Variants in ITIH4 observed in about 807,000 individuals in gnomAD.
ITIH4 encodes inter-alpha-trypsin inhibitor heavy chain 4.
In ITIH4, 79 loss-of-function variants were observed where a neutral mutation model predicts 111.8. The observed-to-expected ratio is 0.71, with a 90% CI of 0.59 to 0.85. The LOEUF (loss-of-function observed/expected upper bound fraction) is 0.85, where lower values mean the gene tolerates loss of function less well. Among genes scored for constraint, ITIH4 ranks in the 40% least tolerant of loss-of-function variants. ITIH4 has a pLI of 0.00. For synonymous variants in ITIH4, 472 were observed against 468.3 expected, an observed-to-expected ratio of 1.01 and a Z score of -0.10; for missense variants, 1,065 against 1,195.8, an observed-to-expected ratio of 0.89 and a Z score of 1.61.
Position 52,830,666 on chromosome 3 carries a change from G to A in ITIH4, c.-24C>T. The A allele has an allele frequency of 2.5e-6, 4 of 1,583,428 alleles. 1 individual carries two copies. The East Asian group carries it at 9.0e-5, about 36-fold the overall frequency. Reference sequence around the variant, plus strand: ...ATCGTGGCTCCAGTGTCTGCCAGGAGGCTTCTGAACTCGACAGCAAGTGGG... The same window carrying A: ...ATCGTGGCTCCAGTGTCTGCCAGGAAGCTTCTGAACTCGACAGCAAGTGGG... On this transcript the variant is annotated 5_prime_UTR_variant, in exon 1 of 24. Coordinates refer to ENST00000266041, the MANE Select transcript of ITIH4 (RefSeq NM_002218.5).
In ITIH4 at chr3:52,824,202, C is replaced by G. The variant is rs572405190; in HGVS notation, c.1159G>C (p.Asp387His). ...GCAGGGCCCTCACCCACAGTGGGGT[C>G]GCCATCGGTGAGCAGGATGATGAGT... ...VSLIILLTDG[D>H]PTVGETNPRS... The change falls in exon 9 of 24, where the codon GAC (aspartate) becomes CAC (histidine). Residue 387 changes from aspartate (D) to histidine (H), a missense_variant. By Grantham distance (81) the Asp-to-His change is moderately conservative. Coordinates refer to ENST00000266041, the MANE Select transcript of ITIH4 (RefSeq NM_002218.5). The surrounding 1 kb of genome is among the most constrained non-coding windows in gnomAD (Gnocchi z 4.3). 2 of 1,613,130 alleles carry G rather than the reference C, an allele frequency of 1.2e-6. No homozygotes were observed. Among genetic ancestry groups the G allele is most frequent in the Non-Finnish European group, 1.7e-6 (2 of 1,179,986 alleles).
At chr3:52,817,111 C>A in intron 20 of ITIH4, 53 bp from the exon 21 acceptor site, 8 of 1,524,838 alleles carry the variant, frequency 5.2e-6, no homozygotes, top group African/African-American at 1.4e-5. Flanking sequence ...AGGTCTGACA[C>A]CGACCTGCAT....
Position 52,829,102 on chromosome 3 carries a change from G to A in ITIH4, c.251+17C>T. On this transcript the variant is annotated intron_variant, in intron 2 of 23. Transcript: ENST00000266041. Reference sequence around the variant, plus strand: ...CTGGGGGGTGTGGAGAGGGGAGGAGGGTGGGAAGGCACCTACATGGAGAAG... The same window carrying A: ...CTGGGGGGTGTGGAGAGGGGAGGAGAGTGGGAAGGCACCTACATGGAGAAG... The A allele has an allele frequency of 6.3e-7, 1 of 1,594,416 alleles. No individual in the cohort carries two copies. Among genetic ancestry groups the A allele is most frequent in the Non-Finnish European group, 8.6e-7 (1 of 1,165,924 alleles).
At chr3:52,818,616 C>T (rs1398633620) in intron 17 of ITIH4, 80 bp from the exon 18 acceptor site, 2 of 1,180,908 alleles carry the variant, frequency 1.7e-6, no homozygotes, top group Admixed American at 2.0e-5. Flanking sequence ...TGCCACCAAG[C>T]TCCAGCCCCC....
intron 15 of ITIH4, 37 bp downstream of exon 15, chr3:52,819,903 T>C: frequency 1.2e-6 from 2 of 1,609,960 alleles, no homozygotes; most frequent in Non-Finnish European, 1.7e-6. Context: ...GAGCCCAATC[T>C]GTCAATCTCC....
chr3:52,818,458 G>C lies in ITIH4; in HGVS notation c.2152+4C>G, dbSNP rs760085381. ...TAGGACAGGGCCTCTGGCCTTGGGG[G>C]CACCTTCGATTTTCATATTCATGAC... On this transcript the variant is annotated splice_donor_region_variant and intron_variant, in intron 18 of 23. Transcript: ENST00000266041. The C allele has an allele frequency of 7.5e-6, 12 of 1,598,384 alleles. No individual in the cohort carries two copies. The highest frequency in any genetic ancestry group is 1.0e-5 in the Non-Finnish European group (12 of 1,172,066).
chr3:52,817,849 C>T (rs1440084228), intron 20 of ITIH4, among the ~76,000 whole-genome samples: 5 of 152,270 alleles, frequency 3.3e-5, no homozygotes, highest in Admixed American at 1.3e-4. Flanking sequence ...TGGCCACCCA[C>T]ACCTGCACAC....
chr3:52,818,253 T>G lies in ITIH4; in HGVS notation c.2179+4A>C. On this transcript the variant is annotated splice_donor_region_variant and intron_variant, in intron 19 of 23. Coordinates refer to ENST00000266041, the MANE Select transcript of ITIH4 (RefSeq NM_002218.5). ...GAAAGGGGCCAAGGGGGCTGGGAACTTACCTGGGGTTTGGGTTGTCATGGT... is the reference window on the plus strand; with the variant it reads ...GAAAGGGGCCAAGGGGGCTGGGAACGTACCTGGGGTTTGGGTTGTCATGGT... The G allele has an allele frequency of 6.3e-7, 1 of 1,582,128 alleles. No homozygotes were observed. The highest frequency in any genetic ancestry group is 8.6e-7 in the Non-Finnish European group (1 of 1,164,718).
intron 17 of ITIH4, chr3:52,818,792 C>G (rs767414102): frequency 3.8e-6 from 2 of 521,808 alleles, no homozygotes; most frequent in African/African-American, 1.9e-5. Flanking sequence ...GCTTTCTGAA[C>G]GGAGGAAGCC....
Position 52,812,970 on chromosome 3 carries a change from A to ATTTTTTTTTTTTTTTTTTT in ITIH4, c.*432_*450dup, listed in dbSNP as rs67293153. The ATTTTTTTTTTTTTTTTTTT allele has an allele frequency of 7.5e-6, 1 of 132,842 alleles. No individual in the cohort carries two copies. 8.2% of individuals were successfully genotyped at this position (132,842 alleles called of 1,614,324 possible). On this transcript the variant is annotated 3_prime_UTR_variant, in exon 24 of 24. Transcript: ENST00000266041. ...AAAGAATTCCAACCCAGTTCACTCT[A>ATTTTTTTTTTTTTTTTTTT]TTTTTTTTTTTTTTTTTTTTGTAGT...
Position 52,819,777 on chromosome 3 carries a change from G to A in ITIH4, c.1928C>T (p.Pro643Leu). Residue 643 changes from proline (P) to leucine (L), a missense_variant, in exon 16 of 24, where the codon CCA becomes CTA. Transcript: ENST00000266041. ...KIPKPEASFS[P>L]RRGWNRQAGA... ...ACCTTGTCTATTCCATCCTCTTCTT[G>A]GAGAAAAGGAAGCCTCTGTGTGGTC... The A allele has an allele frequency of 6.2e-7, 1 of 1,614,038 alleles. No individual in the cohort carries two copies. The highest frequency in any genetic ancestry group is 8.5e-7 in the Non-Finnish European group (1 of 1,179,984).
At chr3:52,818,984 T>C (rs1700327062) in intron 17 of ITIH4, 1 of 294,034 alleles carries the variant, frequency 3.4e-6, no homozygotes, top group Non-Finnish European at 6.5e-6. Context: ...CAAAGAGCGC[T>C]GTGATGTGCA....
At chr3:52,819,300 G>A (rs1413201600) in intron 17 of ITIH4, 93 bp downstream of exon 17, 5 of 1,454,832 alleles carry the variant, frequency 3.4e-6, no homozygotes, top group African/African-American at 2.8e-5. Context: ...GCCTGGCCCT[G>A]TGGTGCGTGC....
intron 11 of ITIH4, chr3:52,822,205 T>C (rs1700394041): frequency 1.3e-5 from 2 of 151,744 alleles, no homozygotes; most frequent in African/African-American, 4.8e-5. Flanking sequence ...TAGCCGGGTG[T>C]GGTGGTGGAT....
chr3:52,818,427 C>T (rs1700316854), intron 18 of ITIH4, 35 bp downstream of exon 18: 3 of 1,586,052 alleles, frequency 1.9e-6, no homozygotes, highest in Admixed American at 1.8e-5. Flanking sequence ...CCCAGGATCC[C>T]CCTGTTAGGA....
intron 20 of ITIH4, 53 bp downstream of exon 20, chr3:52,817,999 G>T: frequency 7.5e-7 from 1 of 1,339,882 alleles, no homozygotes; most frequent in Non-Finnish European, 1.1e-6. Flanking sequence ...CTGTAGGCAG[G>T]TGGTGGGTGT....
chr3:52,829,308 AG>A lies in ITIH4; in HGVS notation c.91-30del, dbSNP rs749606388. ...GACCAGCAAAGAAGAAGGGGGTTGCAGGGTTTCAATGCCACCTCAGCTCGGG... is the reference window on the plus strand; with the variant it reads ...GACCAGCAAAGAAGAAGGGGGTTGCAGGTTTCAATGCCACCTCAGCTCGGG... On this transcript the variant is annotated intron_variant, in intron 1 of 23. Coordinates refer to ENST00000266041, the MANE Select transcript of ITIH4 (RefSeq NM_002218.5). 6 of 1,587,322 alleles carry A rather than the reference AG, an allele frequency of 3.8e-6. No homozygotes were observed. In the South Asian group the frequency reaches 6.7e-5, roughly 18 times the overall value.
chr3:52,820,830 G>A (rs759889196), intron 12 of ITIH4, 45 bp from the exon 13 acceptor site: 16 of 1,570,412 alleles, frequency 1.0e-5, no homozygotes, highest in Non-Finnish European at 1.3e-5. Context: ...TTGAATTCGG[G>A]AACAGATTTT....
rs966546098 is a variant in ITIH4 at position 52,824,774 on chromosome 3, C to T, written c.876+68G>A. ...AGGTGAAGCAAGGGGGTCTGCCTGCCGGACCACAGCTGATAGCGTGAAGGG... is the reference window on the plus strand; with the variant it reads ...AGGTGAAGCAAGGGGGTCTGCCTGCTGGACCACAGCTGATAGCGTGAAGGG... On this transcript the variant is annotated intron_variant, in intron 7 of 23. Transcript: ENST00000266041. This position sits in a 1 kb window ranked among gnomAD's most constrained non-coding sequence, Gnocchi z 4.3. 2.3e-5 allele frequency: 31 copies of T among 1,374,248 alleles called. No individual in the cohort carries two copies. Among genetic ancestry groups the T allele is most frequent in the Non-Finnish European group, 2.8e-5 (28 of 986,622 alleles). 85.1% of individuals were successfully genotyped at this position (1,374,248 alleles called of 1,614,324 possible). A position where few individuals can be genotyped will look rare whatever the true frequency, so the allele number is the denominator to read the frequency against.
Sources: gnomAD v4.1 joint callset for allele counts (sites outside exome capture counted in the v4.1 genomes callset) on GRCh38, gnomAD v4.1.1 for gene constraint, Gnocchi (gnomAD v3.1) non-coding constraint, MANE v1.5 for transcripts, NCBI Gene and HGNC (gene_info 2026-07-23, HGNC 2026-07-21) for gene names.